Variants in CSNK2A2IP observed in about 807,000 individuals in gnomAD.
The protein encoded by CSNK2A2IP is casein kinase II subunit alpha'-interacting protein.
the CSNK2A2IP span, among the ~76,000 whole-genome samples, chr3:88,383,459 C>T: frequency 7.2e-5 from 11 of 152,038 alleles, no homozygotes; most frequent in Non-Finnish European, 1.6e-4. Flanking sequence ...ATACATAGCA[C>T]AATGTTTGGT....
At chr3:88,360,578 G>T in the CSNK2A2IP span, among the ~76,000 whole-genome samples, 1 of 152,040 alleles carries the variant, frequency 6.6e-6, no homozygotes, top group Admixed American at 6.5e-5. Context: ...TGAGTTACTT[G>T]TAGGCAGCAT....
chr3:88,449,874 T>TATAGAGAGAGAGAGAGAGAGAGAGAG, the CSNK2A2IP span, among the ~76,000 whole-genome samples: 1 of 70,046 alleles, frequency 1.4e-5, no homozygotes, highest in Non-Finnish European at 3.2e-5. Flanking sequence ...TATATATATA[T>TATAGAGAGAGAGAGAGAGAGAGAGAG]AGAGAGAGAG....
At chr3:88,344,284 C>G in the CSNK2A2IP span, among the ~76,000 whole-genome samples, 1 of 151,732 alleles carries the variant, frequency 6.6e-6, no homozygotes, top group Non-Finnish European at 1.5e-5. Flanking sequence ...AAAATGAAAG[C>G]TTTGAGCTTT....
the CSNK2A2IP span, among the ~76,000 whole-genome samples, chr3:88,455,741 T>C: frequency 2.6e-5 from 4 of 151,968 alleles, no homozygotes; most frequent in Non-Finnish European, 5.9e-5. Context: ...TTTTGTCATC[T>C]GTGCCTTTGG....
At chr3:88,417,835 T>C in the CSNK2A2IP span, among the ~76,000 whole-genome samples, 1 of 152,218 alleles carries the variant, frequency 6.6e-6, no homozygotes. Flanking sequence ...TGTTAGACTA[T>C]GTGATATTTT....
chr3:88,444,803 A>G, the CSNK2A2IP span, among the ~76,000 whole-genome samples: 1 of 152,200 alleles, frequency 6.6e-6, no homozygotes, highest in African/African-American at 2.4e-5. Context: ...TATATAAGCA[A>G]AATATCTTGA....
chr3:88,378,063 C>A, the CSNK2A2IP span, among the ~76,000 whole-genome samples: 5 of 151,800 alleles, frequency 3.3e-5, no homozygotes, highest in Non-Finnish European at 7.4e-5. Context: ...TATTGCATAC[C>A]ATATTTCAAG....
At chr3:88,385,044 T>C in the CSNK2A2IP span, among the ~76,000 whole-genome samples, 1 of 152,098 alleles carries the variant, frequency 6.6e-6, no homozygotes. Flanking sequence ...AGTTTAGAAC[T>C]GGGGAAAGAT....
chr3:88,340,139 A>G, the CSNK2A2IP span, among the ~76,000 whole-genome samples: 2 of 151,990 alleles, frequency 1.3e-5, no homozygotes, highest in Non-Finnish European at 2.9e-5. Context: ...ACTTGTTGAG[A>G]GTATGCTTAT....
At chr3:88,454,058 A>T in the CSNK2A2IP span, among the ~76,000 whole-genome samples, 12 of 152,176 alleles carry the variant, frequency 7.9e-5, no homozygotes, top group Admixed American at 2.6e-4. Context: ...CCAGCAGTGT[A>T]TGAGAGTTTC....
At chr3:88,445,570 TC>T in the CSNK2A2IP span, among the ~76,000 whole-genome samples, 1 of 152,190 alleles carries the variant, frequency 6.6e-6, no homozygotes, top group African/African-American at 2.4e-5. Context: ...ATTATTTTTT[TC>T]TTTTACAGAC....
chr3:88,467,542 A>T, the CSNK2A2IP span: 2 of 398,542 alleles, frequency 5.0e-6, no homozygotes, highest in Non-Finnish European at 8.8e-6. Context: ...CACACTGTTC[A>T]AATTTTTCCG....
At chr3:88,360,285 C>G in the CSNK2A2IP span, among the ~76,000 whole-genome samples, 2 of 151,966 alleles carry the variant, frequency 1.3e-5, no homozygotes, top group African/African-American at 2.4e-5. Context: ...AGGCGCCCAC[C>G]ACAACGCCCG....
At chr3:88,384,331 C>T in the CSNK2A2IP span, among the ~76,000 whole-genome samples, 4 of 150,818 alleles carry the variant, frequency 2.7e-5, no homozygotes, top group African/African-American at 9.7e-5. Context: ...TTCTTTCTCC[C>T]TCTCTCTCTC....
At chr3:88,399,054 A>G in the CSNK2A2IP span, among the ~76,000 whole-genome samples, 1 of 152,212 alleles carries the variant, frequency 6.6e-6, no homozygotes, top group Non-Finnish European at 1.5e-5. Flanking sequence ...AAAGACAAAC[A>G]AAAAGATATA....
chr3:88,375,284 C>T, the CSNK2A2IP span, among the ~76,000 whole-genome samples: 1 of 151,870 alleles, frequency 6.6e-6, no homozygotes, highest in South Asian at 2.1e-4. Flanking sequence ...GTCCTTACTA[C>T]TCTCCTCTTA....
At chr3:88,406,420 C>T in the CSNK2A2IP span, among the ~76,000 whole-genome samples, 1 of 152,142 alleles carries the variant, frequency 6.6e-6, no homozygotes, top group Non-Finnish European at 1.5e-5. Flanking sequence ...CTATAAAAGC[C>T]TTAGCTGGCA....
chr3:88,390,258 C>T, the CSNK2A2IP span, among the ~76,000 whole-genome samples: 3 of 152,132 alleles, frequency 2.0e-5, no homozygotes, highest in Non-Finnish European at 4.4e-5. Context: ...GTCTCCCTTA[C>T]AGAAAACCGT....
the CSNK2A2IP span, among the ~76,000 whole-genome samples, chr3:88,429,031 G>A: frequency 4.1e-3 from 392 of 96,200 alleles, 5 homozygotes; most frequent in Non-Finnish European, 6.7e-3. Flanking sequence ...TTTAGATATG[G>A]GGTTTCATTG....
Sources: gnomAD v4.1 joint callset for allele counts (sites outside exome capture counted in the v4.1 genomes callset) on GRCh38, gnomAD v4.1.1 for gene constraint, MANE v1.5 for transcripts, NCBI Gene and HGNC (gene_info 2026-07-23, HGNC 2026-07-21) for gene names.